Variants in PLCXD1 observed in about 807,000 individuals in gnomAD.
The protein encoded by PLCXD1 is PI-PLC X domain-containing protein 1.
Under a neutral mutation model 37.8 loss-of-function variants are expected in PLCXD1, and 45 were observed. The observed-to-expected ratio is 1.19, with a 90% CI of 0.94 to 1.53. PLCXD1 has a LOEUF of 1.53. Ranked by LOEUF, PLCXD1 falls within the 40% of genes most tolerant of loss-of-function variation. The probability of loss-of-function intolerance (pLI) is 0.00; values close to 1 mark genes in which losing one functional copy is unlikely to be tolerated. For missense variants in PLCXD1, 539 were observed against 454.7 expected, an observed-to-expected ratio of 1.19 and a Z score of -1.69; for synonymous variants, 246 against 206.9, an observed-to-expected ratio of 1.19 and a Z score of -1.62.
chrX:278,715 G>A (rs187647599), upstream of PLCXD1, among the ~76,000 whole-genome samples: 286 of 144,108 alleles, frequency 2.0e-3, 1 homozygote, highest in African/African-American at 6.8e-3. Flanking sequence ...CTCCAGCCTG[G>A]GAGACAGAGC....
At chrX:279,740 C>T (rs1021908451), upstream of PLCXD1, among the ~76,000 whole-genome samples, 2 of 147,578 alleles carry the variant, frequency 1.4e-5, no homozygotes, top group African/African-American at 5.1e-5. Context: ...TGACACTGCA[C>T]ACCAGTCTGC....
At chrX:291,437 C>T (rs2069630192) in intron 4 of PLCXD1, 62 bp from the exon 5 acceptor site, 32 of 1,582,496 alleles carry the variant, frequency 2.0e-5, no homozygotes, top group Non-Finnish European at 2.8e-5. Flanking sequence ...TGAGCCGCCA[C>T]ACCCCGCCTT....
At chrX:295,625 A>G (rs1291504854) in intron 6 of PLCXD1, among the ~76,000 whole-genome samples, 7 of 151,570 alleles carry the variant, frequency 4.6e-5, no homozygotes, top group African/African-American at 1.7e-4. Context: ...CCCGGGTTCA[A>G]GCCATTCTCC....
intron 1 of PLCXD1, chrX:283,554 G>A (rs1438667230): frequency 6.0e-5 from 9 of 149,046 alleles, no homozygotes; most frequent in Admixed American, 4.7e-4. Flanking sequence ...AGGCCCGGGT[G>A]GGGGCGGCCT....
rs775306068 is a variant in PLCXD1 at position 296,270 on chromosome X, A to C, written c.734-2827A>C. Among the ~76,000 whole-genome samples, 4 of 152,096 alleles carry C rather than the reference A, an allele frequency of 2.6e-5. No individual in the cohort carries two copies. In the East Asian group the frequency reaches 7.7e-4, roughly 29 times the overall value. ...CGAGTAGCTGGGATTACGGGCACGT[A>C]CCACCATGCTGAGCTAATTTTTGGA... On this transcript the variant is annotated intron_variant, in intron 6 of 6. Transcript: ENST00000381657.
intron 6 of PLCXD1, among the ~76,000 whole-genome samples, chrX:296,732 A>G (rs762267609): frequency 8.5e-5 from 13 of 152,318 alleles, no homozygotes; most frequent in African/African-American, 2.6e-4. Context: ...CTTCCTGTCT[A>G]TCACATGGGG....
At position 285,107 on chromosome X, in the gene PLCXD1, T is replaced by C. The variant is rs760504259; in HGVS notation, c.127+793T>C. 1.4e-3 allele frequency among the ~76,000 whole-genome samples: 191 copies of C among 134,744 alleles called. No individual in the cohort carries two copies. In the East Asian group the frequency reaches 0.017, roughly 12 times the overall value. The allele number at this position is 134,744 out of a possible 152,430, so 88.4% of individuals were successfully genotyped here. ...ATGCAGGCACACACAGACACATACA[T>C]ACACACACACATGCATGCGCACACA... On this transcript the variant is annotated intron_variant, in intron 2 of 6. Coordinates refer to ENST00000381657, the MANE Select transcript of PLCXD1 (RefSeq NM_018390.4).
At chrX:294,436 C>T (rs1323181725) in intron 6 of PLCXD1, among the ~76,000 whole-genome samples, 3 of 150,528 alleles carry the variant, frequency 2.0e-5, no homozygotes, top group Non-Finnish European at 4.4e-5. Context: ...GAGCCGAGAT[C>T]ACGCCACTGA....
intron 3 of PLCXD1, 110 bp from the exon 4 acceptor site, chrX:290,538 C>A: frequency 1.7e-6 from 2 of 1,164,568 alleles, no homozygotes; most frequent in Non-Finnish European, 2.5e-6. Flanking sequence ...ACGACATCCA[C>A]GTCCCAGTGG....
upstream of PLCXD1, among the ~76,000 whole-genome samples, chrX:279,936 G>A (rs2069227518): frequency 6.6e-6 from 1 of 152,110 alleles, no homozygotes. Flanking sequence ...TGCAACCTCC[G>A]CCTCCCGGGT....
upstream of PLCXD1, chrX:280,936 G>T (rs2069256312): frequency 2.3e-4 from 1 of 4,302 alleles, no homozygotes; most frequent in Admixed American, 1.8e-3. Context: ...CGTGCAGGGG[G>T]AGGGGAGGCC....
intron 6 of PLCXD1, among the ~76,000 whole-genome samples, chrX:296,416 C>T (rs764670993): frequency 4.7e-4 from 72 of 152,318 alleles, no homozygotes; most frequent in African/African-American, 1.6e-3. Context: ...AGCCACCGTG[C>T]CCAGCCTAGA....
At chrX:296,261 C>T (rs1017325496) in intron 6 of PLCXD1, among the ~76,000 whole-genome samples, 5 of 152,098 alleles carry the variant, frequency 3.3e-5, no homozygotes, top group East Asian at 1.9e-4. Flanking sequence ...GCTGGGATTA[C>T]GGGCACGTAC....
At chrX:285,338 A>G (rs1251313217) in intron 2 of PLCXD1, among the ~76,000 whole-genome samples, 1 of 150,022 alleles carries the variant, frequency 6.7e-6, no homozygotes, top group Non-Finnish European at 1.5e-5. Flanking sequence ...ACACATGCAC[A>G]TGCACACGTG....
At chrX:282,600 G>C (rs1359690433) in intron 1 of PLCXD1, among the ~76,000 whole-genome samples, 2 of 150,898 alleles carry the variant, frequency 1.3e-5, no homozygotes, top group Non-Finnish European at 2.9e-5. Context: ...AGCTACTCTG[G>C]AGGCTGAGGC....
rs1353328097 is a variant in PLCXD1 at position 284,592 on chromosome X, GCACACACGCA to G, written c.127+284_127+293del. On this transcript the variant is annotated intron_variant, in intron 2 of 6. Transcript: ENST00000381657. ...CATACACAGGCATACATGCACACAC[GCACACACGCA>G]CACACGCACACATGCACATCTGCAC... Among the ~76,000 whole-genome samples, 77 of 2,986 alleles carry G rather than the reference GCACACACGCA, an allele frequency of 0.026. No homozygotes were observed. In the East Asian group the frequency reaches 0.29, roughly 11 times the overall value. 2.0% of individuals were successfully genotyped at this position (2,986 alleles called of 152,430 possible). A position where few individuals can be genotyped will look rare whatever the true frequency, so the allele number is the denominator to read the frequency against.
chrX:297,217 T>C (rs1315461952), intron 6 of PLCXD1, among the ~76,000 whole-genome samples: 28 of 29,962 alleles, frequency 9.3e-4, no homozygotes, highest in Non-Finnish European at 1.5e-3. Context: ...GGGACATTAT[T>C]CTGTCTATCA....
At chrX:288,273 C>T (rs982469122) in intron 2 of PLCXD1, among the ~76,000 whole-genome samples, 5 of 151,676 alleles carry the variant, frequency 3.3e-5, no homozygotes, top group Admixed American at 2.6e-4. Context: ...TGGGGATCAC[C>T]ACTCAAGTCA....
chrX:286,319 C>T (rs1345203648), intron 2 of PLCXD1, among the ~76,000 whole-genome samples: 1 of 152,118 alleles, frequency 6.6e-6, no homozygotes, highest in Non-Finnish European at 1.5e-5. Context: ...CCTGCCTCGG[C>T]CTCCCAAAGT....
Sources: gnomAD v4.1 joint callset for allele counts (sites outside exome capture counted in the v4.1 genomes callset) on GRCh38, gnomAD v4.1.1 for gene constraint, MANE v1.5 for transcripts, NCBI Gene and HGNC (gene_info 2026-07-23, HGNC 2026-07-21) for gene names.